The following ATF6 variants were observed in gnomAD, a reference collection of about 807,000 sequenced individuals.
The protein encoded by ATF6 is activating transcription factor 6.
Under a neutral mutation model 83.6 loss-of-function variants are expected in ATF6, and 53 were observed. The observed-to-expected ratio is 0.63, with a 90% confidence interval of 0.51 to 0.80. ATF6 has a LOEUF of 0.80. Ranked by LOEUF, ATF6 falls within the 30% of genes least tolerant of loss-of-function variation. ATF6 has a pLI of 0.00. For missense variants in ATF6, 744 were observed against 797.9 expected (o/e 0.93, Z 0.81); for synonymous variants, 288 against 285.8 (o/e 1.01, Z -0.08).
intron 9 of ATF6, among the ~76,000 whole-genome samples, chr1:161,835,137 A>G (rs1055266062): frequency 7.9e-5 from 12 of 152,198 alleles, no homozygotes; most frequent in African/African-American, 2.7e-4. Flanking sequence ...CAGCATGATC[A>G]TGACTCACTG....
chr1:161,922,177 A>C (rs890695021), intron 15 of ATF6, among the ~76,000 whole-genome samples: 2 of 152,284 alleles, frequency 1.3e-5, no homozygotes, highest in African/African-American at 2.4e-5. Context: ...TCATCCTTAC[A>C]TACTGCTTTT....
At chr1:161,943,512 C>T (rs965194567) in intron 15 of ATF6, among the ~76,000 whole-genome samples, 2 of 152,084 alleles carry the variant, frequency 1.3e-5, no homozygotes, top group African/African-American at 2.4e-5. Flanking sequence ...GAGAGTGGTC[C>T]GCTGGTTTCC....
At chr1:161,832,582 T>G (rs1686092477) in intron 9 of ATF6, among the ~76,000 whole-genome samples, 1 of 152,204 alleles carries the variant, frequency 6.6e-6, no homozygotes, top group African/African-American at 2.4e-5. Flanking sequence ...CCAACGGGCT[T>G]AACAAACAGC....
intron 14 of ATF6, among the ~76,000 whole-genome samples, chr1:161,866,524 A>G (rs1266361596): frequency 6.6e-6 from 1 of 152,090 alleles, no homozygotes; most frequent in Non-Finnish European, 1.5e-5. Context: ...TTTACCACCA[A>G]CATAGTAATC....
chr1:161,854,376 T>A (rs1686708984), intron 12 of ATF6, among the ~76,000 whole-genome samples: 1 of 152,216 alleles, frequency 6.6e-6, no homozygotes, highest in South Asian at 2.1e-4. Flanking sequence ...AAGAAAGAGT[T>A]TGGTGGATTG....
In ATF6 at chr1:161,958,271, G is replaced by A. The variant is rs1571264074; in HGVS notation, c.1805-175G>A. On this transcript the variant is annotated intron_variant, in intron 15 of 15. Coordinates refer to ENST00000367942, the MANE Select transcript of ATF6 (RefSeq NM_007348.4). ...GAATTGGGAGAGAACAGGTGATCCTGGCACCCAGCCCACTTGTAGCTCTGC... is the reference window on the plus strand; with the variant it reads ...GAATTGGGAGAGAACAGGTGATCCTAGCACCCAGCCCACTTGTAGCTCTGC... 2.0e-5 allele frequency among the ~76,000 whole-genome samples: 3 copies of A among 152,314 alleles called. No individual in the cohort carries two copies. In the East Asian group the frequency reaches 5.8e-4, roughly 29 times the overall value.
chr1:161,779,749 T>A (rs763678885), intron 2 of ATF6, among the ~76,000 whole-genome samples: 10 of 152,164 alleles, frequency 6.6e-5, no homozygotes, highest in Non-Finnish European at 1.0e-4. Context: ...GCTTAATTTT[T>A]TTTTTTAAGA....
chr1:161,880,373 G>T (rs1241521574), intron 14 of ATF6, among the ~76,000 whole-genome samples: 3 of 151,316 alleles, frequency 2.0e-5, no homozygotes, highest in Non-Finnish European at 4.4e-5. Context: ...TACTTATATA[G>T]GTGAAATCAT....
chr1:161,889,722 G>T (rs1400808955), intron 14 of ATF6, among the ~76,000 whole-genome samples: 2 of 152,140 alleles, frequency 1.3e-5, no homozygotes, highest in Non-Finnish European at 1.5e-5. Flanking sequence ...GAATCTTTTT[G>T]ATTCAAATGT....
intron 14 of ATF6, among the ~76,000 whole-genome samples, chr1:161,896,454 G>T (rs959916978): frequency 6.6e-6 from 1 of 152,156 alleles, no homozygotes; most frequent in South Asian, 2.1e-4. Flanking sequence ...TTATTTTGAT[G>T]AGTCTTCAAG....
At chr1:161,858,484 A>G (rs1686812119) in intron 12 of ATF6, among the ~76,000 whole-genome samples, 1 of 152,204 alleles carries the variant, frequency 6.6e-6, no homozygotes, top group Admixed American at 6.5e-5. Flanking sequence ...GGCTATATTA[A>G]TCAGAAAAAG....
At chr1:161,944,422 A>G (rs1232368772) in intron 15 of ATF6, among the ~76,000 whole-genome samples, 1 of 152,182 alleles carries the variant, frequency 6.6e-6, no homozygotes, top group Non-Finnish European at 1.5e-5. Context: ...CACAGCTCTA[A>G]TCTTGAATCC....
rs545286030 is a variant in ATF6, at chr1:161,964,022, A to G, written c.*5368A>G. 3.9e-5 allele frequency: 6 copies of G among 152,348 alleles called. No individual in the cohort carries two copies. The highest frequency in any genetic ancestry group is 8.8e-5 in the Non-Finnish European group (6 of 68,030). The allele number at this position is 152,348 out of a possible 1,614,324, so 9.4% of individuals were successfully genotyped here. On this transcript the variant is annotated 3_prime_UTR_variant, in exon 16 of 16. Transcript: ENST00000367942. The stretch of plus-strand genomic sequence containing the variant: ...ATTTCATACTTTCAAGCAAGTCTTT[A>G]TACTACCTGTTATTTCTCTAAAATT...
intron 15 of ATF6, among the ~76,000 whole-genome samples, chr1:161,947,598 C>T (rs1265176700): frequency 6.6e-6 from 1 of 151,962 alleles, no homozygotes; most frequent in Non-Finnish European, 1.5e-5. Context: ...GATGACTTGT[C>T]TATGTCCATT....
chr1:161,802,067 T>C lies in ATF6; in HGVS notation c.704T>C (p.Leu235Pro), dbSNP rs1345567953. 2 of 1,614,108 alleles carry C rather than the reference T, an allele frequency of 1.2e-6. No homozygotes were observed. Among genetic ancestry groups the C allele is most frequent in the East Asian group, 2.2e-5 (1 of 44,892 alleles). ...PAPTKGQTVLLSQPTVVQLQA... is the reference protein window; with the variant it reads ...PAPTKGQTVLPSQPTVVQLQA... ...TCTAACGCAGGCCAGACGGTTTTGC[T>C]GTCTCAGCCTACTGTGGTACAACTT... The change falls in exon 7 of 16, where the codon CTG becomes CCG. Residue 235 changes from leucine (L) to proline (P), a missense_variant. By Grantham distance (98) the Leu-to-Pro change is moderately conservative. Coordinates refer to ENST00000367942, the MANE Select transcript of ATF6 (RefSeq NM_007348.4).
At chr1:161,917,645 G>A (rs1167288672) in intron 15 of ATF6, among the ~76,000 whole-genome samples, 3 of 152,032 alleles carry the variant, frequency 2.0e-5, no homozygotes, top group Non-Finnish European at 4.4e-5. Context: ...TGGTTTCGAT[G>A]TCCTGACCTC....
At chr1:161,933,454 G>A (rs2101903788) in intron 15 of ATF6, among the ~76,000 whole-genome samples, 1 of 152,286 alleles carries the variant, frequency 6.6e-6, no homozygotes, top group South Asian at 2.1e-4. Flanking sequence ...AATTTTATGT[G>A]TAACTTTATG....
intron 9 of ATF6, among the ~76,000 whole-genome samples, chr1:161,844,097 C>G (rs377425748): frequency 1.3e-5 from 2 of 152,114 alleles, no homozygotes; most frequent in African/African-American, 4.8e-5. Context: ...AAAGCCTATG[C>G]GATATTAGAC....
At chr1:161,777,822 C>CG (rs1176256955) in intron 1 of ATF6, among the ~76,000 whole-genome samples, 1 of 152,094 alleles carries the variant, frequency 6.6e-6, no homozygotes, top group Admixed American at 6.6e-5. Context: ...ATAACAAATA[C>CG]GCAGTGTGTA....
Sources: gnomAD v4.1 joint callset for allele counts (sites outside exome capture counted in the v4.1 genomes callset) on GRCh38, gnomAD v4.1.1 for gene constraint, MANE v1.5 for transcripts, NCBI Gene and HGNC (gene_info 2026-07-23, HGNC 2026-07-21) for gene names.